Variants in KCTD8 observed in about 807,000 individuals in gnomAD.
KCTD8 encodes potassium channel tetramerization domain containing 8, also known as BTB/POZ domain-containing protein KCTD8.
In KCTD8, 27 loss-of-function variants were observed where a neutral mutation model predicts 31.5. The observed-to-expected ratio is 0.86, with a 90% CI of 0.63 to 1.18. The LOEUF is 1.18. Ranked by LOEUF, KCTD8 falls within the 50% of genes most tolerant of loss-of-function variation. The pLI is 0.00. For synonymous variants in KCTD8, 290 were observed against 280.0 expected (o/e 1.04, Z -0.36); for missense variants, 658 against 647.7 (o/e 1.02, Z -0.17).
intron 1 of KCTD8, among the ~76,000 whole-genome samples, chr4:44,406,326 C>CTG (rs1428606986): frequency 6.6e-6 from 1 of 152,146 alleles, no homozygotes; most frequent in Admixed American, 6.5e-5. Flanking sequence ...TGCTTTGGCT[C>CTG]TGTGTCCCCA....
At chr4:44,432,797 A>C (rs942399156) in intron 1 of KCTD8, among the ~76,000 whole-genome samples, 1 of 151,692 alleles carries the variant, frequency 6.6e-6, no homozygotes, top group Non-Finnish European at 1.5e-5. Flanking sequence ...ATTATCTCTA[A>C]AATCACTAAT....
At chr4:44,339,659 A>G (rs1390247733) in intron 1 of KCTD8, among the ~76,000 whole-genome samples, 2 of 152,184 alleles carry the variant, frequency 1.3e-5, no homozygotes, top group African/African-American at 4.8e-5. Context: ...ATACTGATAT[A>G]GAAGATTTTA....
At chr4:44,358,290 C>A (rs1038456317) in intron 1 of KCTD8, among the ~76,000 whole-genome samples, 1 of 152,170 alleles carries the variant, frequency 6.6e-6, no homozygotes, top group Non-Finnish European at 1.5e-5. Context: ...TTTATCCAGT[C>A]TATCATTGAT....
intron 1 of KCTD8, among the ~76,000 whole-genome samples, chr4:44,216,037 TGAAA>T (rs1294388448): frequency 6.6e-6 from 1 of 152,078 alleles, no homozygotes; most frequent in Non-Finnish European, 1.5e-5. Flanking sequence ...AGAGACTGAA[TGAAA>T]GAAAGTAGCA....
At chr4:44,187,253 A>T (rs1040104529) in intron 1 of KCTD8, among the ~76,000 whole-genome samples, 1 of 152,232 alleles carries the variant, frequency 6.6e-6, no homozygotes, top group African/African-American at 2.4e-5. Flanking sequence ...TCATGCTCGT[A>T]GTAGAAAACA....
intron 1 of KCTD8, among the ~76,000 whole-genome samples, chr4:44,302,712 CCTT>C (rs1676665997): frequency 6.6e-6 from 1 of 151,858 alleles, no homozygotes; most frequent in Admixed American, 6.6e-5. Context: ...CCCTTTATTT[CCTT>C]CTTCTGCCTA....
At chr4:44,402,382 A>C (rs1720687424) in intron 1 of KCTD8, among the ~76,000 whole-genome samples, 1 of 152,198 alleles carries the variant, frequency 6.6e-6, no homozygotes, top group Admixed American at 6.5e-5. Context: ...TCTTAATATA[A>C]TATCAATATT....
intron 1 of KCTD8, among the ~76,000 whole-genome samples, chr4:44,434,081 C>A (rs2109479569): frequency 6.6e-6 from 1 of 151,952 alleles, no homozygotes; most frequent in African/African-American, 2.4e-5. Context: ...CCCCTGATAT[C>A]CAGCCAAATC....
Position 44,175,041 on chromosome 4 carries a change from G to A in KCTD8, c.1171C>T (p.Arg391Cys), listed in dbSNP as rs549391615. 14 of 1,613,966 alleles carry A rather than the reference G, an allele frequency of 8.7e-6. No individual in the cohort carries two copies. The highest frequency in any genetic ancestry group is 2.2e-5 in the South Asian group (2 of 91,074). ...AHQPNTLTLD[R>C]PSKKAPVQWI... ...TGTACAGGTGCTTTTTTAGAGGGGC[G>A]ATCCAATGTTAAAGTGTTAGGTTGG... The change falls in exon 2 of 2, where the codon CGC (arginine) becomes TGC (cysteine). Residue 391 changes from arginine (R) to cysteine (C), a missense_variant. Transcript: ENST00000360029.
chr4:44,422,383 G>A (rs1196935489), intron 1 of KCTD8, among the ~76,000 whole-genome samples: 1 of 152,014 alleles, frequency 6.6e-6, no homozygotes, highest in Non-Finnish European at 1.5e-5. Context: ...AGGAACAGGA[G>A]ACAGAACTAA....
chr4:44,366,136 A>G (rs1719626857), intron 1 of KCTD8, among the ~76,000 whole-genome samples: 1 of 152,068 alleles, frequency 6.6e-6, no homozygotes, highest in South Asian at 2.1e-4. Context: ...TTTGTACTTT[A>G]CTTCTTAAGA....
intron 1 of KCTD8, among the ~76,000 whole-genome samples, chr4:44,415,239 G>A (rs77152958): frequency 0.05 from 7,626 of 152,194 alleles, 388 homozygotes; most frequent in East Asian, 0.2. Context: ...AAGTGGCATG[G>A]CTTCTTCTAA....
At chr4:44,303,336 A>G (rs1717689710) in intron 1 of KCTD8, among the ~76,000 whole-genome samples, 1 of 151,910 alleles carries the variant, frequency 6.6e-6, no homozygotes, top group Non-Finnish European at 1.5e-5. Context: ...TCGGCTGTGA[A>G]TCCATCTGGT....
intron 1 of KCTD8, among the ~76,000 whole-genome samples, chr4:44,328,997 G>A (rs956556268): frequency 6.6e-6 from 1 of 151,826 alleles, no homozygotes; most frequent in African/African-American, 2.4e-5. Context: ...CTACATAACT[G>A]ACAGATTATA....
chr4:44,382,621 T>C (rs555967235), intron 1 of KCTD8, among the ~76,000 whole-genome samples: 1 of 151,548 alleles, frequency 6.6e-6, no homozygotes, highest in South Asian at 2.1e-4. Flanking sequence ...TCCCAGCTAC[T>C]CAGAAGGCTG....
At chr4:44,361,652 G>A (rs1719500100) in intron 1 of KCTD8, among the ~76,000 whole-genome samples, 1 of 152,064 alleles carries the variant, frequency 6.6e-6, no homozygotes, top group African/African-American at 2.4e-5. Context: ...TTGAGCTACT[G>A]TAGGAAAAAC....
intron 1 of KCTD8, among the ~76,000 whole-genome samples, chr4:44,296,989 T>C (rs1300720252): frequency 1.3e-5 from 2 of 152,106 alleles, no homozygotes; most frequent in Non-Finnish European, 2.9e-5. Context: ...AAATTTCCAA[T>C]ATTAACACTC....
At chr4:44,357,527 C>T (rs960549882) in intron 1 of KCTD8, among the ~76,000 whole-genome samples, 6 of 152,104 alleles carry the variant, frequency 3.9e-5, no homozygotes, top group Non-Finnish European at 5.9e-5. Flanking sequence ...TGAAGGGTCA[C>T]TTAACACCAC....
At chr4:44,339,060 A>T (rs1412643628) in intron 1 of KCTD8, among the ~76,000 whole-genome samples, 1 of 152,220 alleles carries the variant, frequency 6.6e-6, no homozygotes, top group Non-Finnish European at 1.5e-5. Flanking sequence ...ATAGAAATTT[A>T]GGGTTAATAA....
Sources: gnomAD v4.1 joint callset for allele counts (sites outside exome capture counted in the v4.1 genomes callset) on GRCh38, gnomAD v4.1.1 for gene constraint, MANE v1.5 for transcripts, NCBI Gene and HGNC (gene_info 2026-07-23, HGNC 2026-07-21) for gene names.